The following PPM1B variants were observed in gnomAD, a reference collection of about 807,000 sequenced individuals.
PPM1B encodes the protein protein phosphatase 1B.
Under a neutral mutation model 43.0 loss-of-function variants are expected in PPM1B, and 22 were observed. The observed-to-expected ratio is 0.51, with a 90% CI of 0.37 to 0.73. PPM1B has a LOEUF of 0.73. Ranked by LOEUF, PPM1B falls within the 30% of genes least tolerant of loss-of-function variation. The pLI, the probability that PPM1B is intolerant of heterozygous loss-of-function variation, is 0.00. For synonymous variants in PPM1B, 217 were observed against 197.9 expected (o/e 1.10, Z -0.81); for missense variants, 632 against 584.2 (o/e 1.08, Z -0.84).
chr2:44,242,735 T>G lies in PPM1B; in HGVS notation n.1547-1493T>G, dbSNP rs1670776959. Among the ~76,000 whole-genome samples, 3 of 152,294 alleles carry G rather than the reference T, an allele frequency of 2.0e-5. No homozygotes were observed. The South Asian group carries it at 6.2e-4, about 32-fold the overall frequency. On this transcript the variant is annotated intron_variant and non_coding_transcript_variant, in intron 5 of 5. Coordinates refer to the PPM1B transcript ENST00000378540. ...TTTTTCTCATATTTGCTTATTCTTTTATTGTAAGCCTGCTCACACATGTTA... is the reference window on the plus strand; with the variant it reads ...TTTTTCTCATATTTGCTTATTCTTTGATTGTAAGCCTGCTCACACATGTTA...
At chr2:44,229,924 ACT>A in intron 5 of PPM1B, 2 of 1,337,534 alleles carry the variant, frequency 1.5e-6, no homozygotes, top group South Asian at 3.1e-5. Flanking sequence ...ATCCGTAAAA[ACT>A]CTAAAATCTT....
chr2:44,184,424 A>G (rs911252876), intron 1 of PPM1B, among the ~76,000 whole-genome samples: 48 of 152,094 alleles, frequency 3.2e-4, no homozygotes, highest in African/African-American at 1.1e-3. Flanking sequence ...TTGACCTTTA[A>G]ATGTTGGAGT....
intron 5 of PPM1B, among the ~76,000 whole-genome samples, chr2:44,239,851 C>G (rs7576992): frequency 2.6e-5 from 4 of 151,730 alleles, no homozygotes; most frequent in Admixed American, 6.6e-5. Flanking sequence ...ATGTGTGGTC[C>G]ATTTCTAGTT....
At position 44,230,061 on chromosome 2, in the gene PPM1B, T is replaced by C. The variant is rs916050501; in HGVS notation, c.1135-352T>C. The C allele has an allele frequency of 5.8e-6, 9 of 1,556,336 alleles. No homozygotes were observed. The Admixed American group carries it at 1.8e-4, about 32-fold the overall frequency. On this transcript the variant is annotated intron_variant, in intron 5 of 5. Transcript: ENST00000282412. Reference sequence around the variant, plus strand: ...CTTTTCCTACTGCTTTAAACATTGATTTTCTTTTGTACTAAATCATATAGC... The same window carrying C: ...CTTTTCCTACTGCTTTAAACATTGACTTTCTTTTGTACTAAATCATATAGC...
chr2:44,230,098 T>G (rs1482109576), intron 5 of PPM1B: 1 of 1,504,154 alleles, frequency 6.6e-7, no homozygotes, highest in Non-Finnish European at 8.8e-7. Context: ...AAATATTGTT[T>G]AAGTAAGTCA....
rs1670433955 is a variant in PPM1B, at chr2:44,230,713, A to G, written c.1435A>G (p.Ile479Val). 1.9e-6 allele frequency: 3 copies of G among 1,604,120 alleles called. No homozygotes were observed. The highest frequency in any genetic ancestry group is 2.6e-6 in the Non-Finnish European group (3 of 1,172,810). The change falls in exon 6 of 6, where the codon ATA (isoleucine) becomes GTA (valine). Residue 479 changes from isoleucine (I) to valine (V), a missense_variant. Ile to Val is a conservative substitution (Grantham distance 29). This residue lies in a region of PPM1B where 392 missense variants were observed against 302.7 expected (regional missense o/e 1.29). Transcript: ENST00000282412. ...DAGTKMSGEK[I>V] ...AGGGACAAAGATGAGTGGTGAAAAA[A>G]TATGACTTTCCTTTTTGGTAATATT...
chr2:44,201,350 G>A lies in PPM1B; in HGVS notation c.151G>A (p.Glu51Lys). Residue 51 changes from glutamate (E) to lysine (K), a missense_variant, in exon 2 of 6, where the codon GAA (glutamate) becomes AAA (lysine). Glu to Lys is a moderately conservative substitution (Grantham distance 56). Transcript: ENST00000282412. This position sits in a 1 kb window ranked among gnomAD's most constrained non-coding sequence, Gnocchi z 5.4. ...TGTTGTAGGTATTCCTCACGGCTTG[G>A]AAGACTGGTCATTTTTTGCAGTTTA... is the stretch of plus-strand genomic sequence containing the variant. ...TAVVGIPHGL[E>K]DWSFFAVYDG... is the part of the protein sequence containing the mutation. 1 of 1,614,140 alleles carries A rather than the reference G, an allele frequency of 6.2e-7. No individual in the cohort carries two copies. The highest frequency in any genetic ancestry group is 8.5e-7 in the Non-Finnish European group (1 of 1,180,024).
chr2:44,234,451 G>T, downstream of PPM1B: 1 of 697,420 alleles, frequency 1.4e-6, no homozygotes, highest in Non-Finnish European at 1.8e-6. Flanking sequence ...CCCAGGAGGC[G>T]GAGGTTGCAG....
intron 1 of PPM1B, among the ~76,000 whole-genome samples, chr2:44,194,410 G>A (rs987791551): frequency 3.3e-5 from 5 of 152,162 alleles, no homozygotes; most frequent in African/African-American, 1.2e-4. Context: ...TGGTTTCCTT[G>A]ATTTCTGGGA....
chr2:44,234,695 T>A, downstream of PPM1B: 1 of 797,250 alleles, frequency 1.3e-6, no homozygotes, highest in South Asian at 5.7e-5. Context: ...GACCCACTTA[T>A]ACTCTTACAA....
chr2:44,241,910 G>C (rs1160118108), intron 5 of PPM1B, among the ~76,000 whole-genome samples: 2 of 132,098 alleles, frequency 1.5e-5, no homozygotes. Flanking sequence ...CCAGGCTGGA[G>C]AGCAGTGGCG....
chr2:44,181,269 G>A (rs779089799), intron 1 of PPM1B, among the ~76,000 whole-genome samples: 2 of 152,096 alleles, frequency 1.3e-5, no homozygotes, highest in East Asian at 3.9e-4. Flanking sequence ...TATTTCACAG[G>A]CACCTTGAAG....
downstream of PPM1B, among the ~76,000 whole-genome samples, chr2:44,246,804 C>A (rs541170364): frequency 3.0e-4 from 46 of 152,258 alleles, no homozygotes; most frequent in African/African-American, 8.4e-4. Context: ...GAGCTTGTTA[C>A]AATTCTTCCT....
At chr2:44,220,787 A>AAG (rs761147786) in intron 5 of PPM1B, among the ~76,000 whole-genome samples, 63 of 152,370 alleles carry the variant, frequency 4.1e-4, no homozygotes, top group Middle Eastern at 3.4e-3. Flanking sequence ...TCAGCTGCTT[A>AAG]AGCAGGGGGA....
At chr2:44,182,163 C>T (rs981516308) in intron 1 of PPM1B, among the ~76,000 whole-genome samples, 1 of 152,148 alleles carries the variant, frequency 6.6e-6, no homozygotes, top group Admixed American at 6.6e-5. Context: ...GTTTTGGGTT[C>T]TGAAATGGCT....
intron 2 of PPM1B, among the ~76,000 whole-genome samples, 169 bp downstream of exon 2, chr2:44,202,214 G>T (rs182498302): frequency 1.3e-5 from 2 of 152,076 alleles, no homozygotes; most frequent in Non-Finnish European, 2.9e-5. Context: ...ATCCTTGTTT[G>T]TCCCAGCCTT....
downstream of PPM1B, chr2:44,233,018 A>G: frequency 3.1e-6 from 3 of 983,292 alleles, no homozygotes; most frequent in Non-Finnish European, 3.6e-6. Flanking sequence ...TTCAACTCTC[A>G]CTAGAAAATC....
intron 1 of PPM1B, among the ~76,000 whole-genome samples, chr2:44,179,724 C>G (rs1257664103): frequency 6.6e-6 from 1 of 151,978 alleles, no homozygotes; most frequent in Non-Finnish European, 1.5e-5. Context: ...AAGACTTTAA[C>G]CTGGCCGGGC....
chr2:44,213,267 A>T (rs1000045112), intron 3 of PPM1B, among the ~76,000 whole-genome samples: 1 of 151,394 alleles, frequency 6.6e-6, no homozygotes, highest in African/African-American at 2.4e-5. Context: ...GAGGACTTTG[A>T]TATCATACCA....
Sources: allele counts gnomAD v4.1 joint callset (sites outside exome capture counted in the v4.1 genomes callset), GRCh38; gene constraint gnomAD v4.1.1; regional missense constraint gnomAD v4.1.1; non-coding constraint Gnocchi (gnomAD v3.1); transcripts MANE v1.5; gene names NCBI Gene and HGNC (gene_info 2026-07-23, HGNC 2026-07-21).